The following CNTNAP3 variants were observed in gnomAD, a reference collection of about 807,000 sequenced individuals.
The protein encoded by CNTNAP3 is contactin-associated protein-like 3.
A neutral mutation model predicts 92.1 loss-of-function variants in CNTNAP3; 36 were observed. The observed-to-expected ratio is 0.39, with a 90% CI of 0.30 to 0.52. The LOEUF (loss-of-function observed/expected upper bound fraction) is 0.52. Ranked by LOEUF, CNTNAP3 falls within the 20% of genes least tolerant of loss-of-function variation. The pLI is 0.76. For missense variants in CNTNAP3, 534 were observed against 1,069.6 expected (o/e 0.50, Z 6.98); for synonymous variants, 232 against 422.3 (o/e 0.55, Z 5.53).
At chr9:39,116,137 G>A (rs1194847153) in intron 14 of CNTNAP3, among the ~76,000 whole-genome samples, 1 of 150,516 alleles carries the variant, frequency 6.6e-6, no homozygotes, top group African/African-American at 2.4e-5. Context: ...GGGCGACAGA[G>A]AGAGACTCTG....
chr9:39,088,758 TA>T (rs1826125546), intron 18 of CNTNAP3, 111 bp from the exon 19 acceptor site: 1 of 984,968 alleles, frequency 1.0e-6, no homozygotes, highest in African/African-American at 1.6e-5. Context: ...GGAGATAAAG[TA>T]ATAGTGAAAT....
At chr9:39,079,034 T>C in intron 21 of CNTNAP3, 114 bp from the exon 22 acceptor site, 3 of 1,474,166 alleles carry the variant, frequency 2.0e-6, no homozygotes, top group Non-Finnish European at 2.7e-6. Context: ...GAGAGGTCCC[T>C]CCGAACCCCT....
chr9:39,093,705 C>T lies in CNTNAP3; in HGVS notation c.2996-5058G>A, dbSNP rs545912707. ...TTGTATCATGTATCAGAACCTCATT[C>T]CTTTTAATGGCTGAACAATATACCA... On this transcript the variant is annotated intron_variant, in intron 18 of 23. Transcript: ENST00000297668. 4.3e-3 allele frequency among the ~76,000 whole-genome samples: 651 copies of T among 151,568 alleles called. 7 individuals are homozygous for T. The highest frequency in any genetic ancestry group is 0.015 in the African/African-American group (628 of 41,506).
chr9:39,093,777 C>A (rs116621507), intron 18 of CNTNAP3, among the ~76,000 whole-genome samples: 2,775 of 151,512 alleles, frequency 0.018, 84 homozygotes, highest in African/African-American at 0.063. Context: ...TGTTGATGGA[C>A]ACTTGTATTA....
intron 12 of CNTNAP3, among the ~76,000 whole-genome samples, chr9:39,137,257 G>A (rs1821461754): frequency 6.6e-6 from 1 of 151,614 alleles, no homozygotes; most frequent in East Asian, 1.9e-4. Context: ...TAAGCTTAGG[G>A]ATTCTTTCCA....
chr9:39,119,746 C>G (rs1481573073), intron 13 of CNTNAP3, among the ~76,000 whole-genome samples: 1 of 152,018 alleles, frequency 6.6e-6, no homozygotes, highest in African/African-American at 2.4e-5. Flanking sequence ...GGAAATAATA[C>G]AGAAGACAAC....
chr9:39,087,647 C>T (rs183450335), intron 19 of CNTNAP3, among the ~76,000 whole-genome samples: 35 of 152,150 alleles, frequency 2.3e-4, no homozygotes, highest in Admixed American at 8.5e-4. Context: ...CCACCATGCC[C>T]GGCTCATTTT....
rs1201850635 is a variant in CNTNAP3, at chr9:39,115,438, C to A, written c.2237+2665G>T. ...ATTCCATTTTTATAAACTGAAAAAT[C>A]AATTTTATTTGAAAAATTAAAATAG... On this transcript the variant is annotated intron_variant, in intron 14 of 23. Transcript: ENST00000297668. Among the ~76,000 whole-genome samples, 170 of 147,836 alleles carry A rather than the reference C, an allele frequency of 1.1e-3. 2 individuals carry two copies. The highest frequency in any genetic ancestry group is 3.6e-3 in the African/African-American group (145 of 39,748).
In CNTNAP3 at chr9:39,068,949, C is replaced by G. The variant is rs1289106665; in HGVS notation, c.*4941G>C. 6.6e-6 allele frequency among the ~76,000 whole-genome samples: 1 copy of G among 152,416 alleles called. No individual in the cohort carries two copies. Among genetic ancestry groups the G allele is most frequent in the East Asian group, 1.9e-4 (1 of 5,196 alleles). The stretch of plus-strand genomic sequence containing the variant: ...GCAGGAGGGTTAGAGGGTAAATATG[C>G]TCCCTATTACTCCATCTTAGCCAGA... On this transcript the variant is annotated 3_prime_UTR_variant, in exon 24 of 24. Coordinates refer to ENST00000297668, the MANE Select transcript of CNTNAP3 (RefSeq NM_033655.5).
chr9:39,075,870 A>T (rs1825748536), intron 23 of CNTNAP3, among the ~76,000 whole-genome samples: 1 of 152,278 alleles, frequency 6.6e-6, no homozygotes, highest in African/African-American at 2.4e-5. Flanking sequence ...TCTCTTGTTA[A>T]TCAGAGGTCT....
chr9:39,125,674 A>G (rs1402634109), intron 13 of CNTNAP3, among the ~76,000 whole-genome samples: 3 of 152,210 alleles, frequency 2.0e-5, no homozygotes, highest in Non-Finnish European at 4.4e-5. Context: ...AGAAAGCCAG[A>G]GTATCTAAAT....
At chr9:39,120,981 C>CTTAA in intron 13 of CNTNAP3, among the ~76,000 whole-genome samples, 1 of 152,144 alleles carries the variant, frequency 6.6e-6, no homozygotes, top group South Asian at 2.1e-4. Context: ...ATAAGGATTA[C>CTTAA]ATATTTCATT....
rs1225314868 is a variant in CNTNAP3, at chr9:39,066,373, A to G, written c.*7517T>C. On this transcript the variant is annotated 3_prime_UTR_variant, in exon 24 of 24. Coordinates refer to ENST00000297668, the MANE Select transcript of CNTNAP3 (RefSeq NM_033655.5). The stretch of plus-strand genomic sequence containing the variant: ...ATTTCTAAACAGCCAATTATCTTTA[A>G]AAGATATTTAAGTAATAAGGGCAGG... 1.2e-4 allele frequency among the ~76,000 whole-genome samples: 19 copies of G among 152,296 alleles called. No homozygotes were observed. In the South Asian group the frequency reaches 3.7e-3, roughly 30 times the overall value.
At position 39,108,272 on chromosome 9, in the gene CNTNAP3, T is replaced by TCC. The variant is rs374672158; in HGVS notation, c.2365+886_2365+887dup. ...CTTCATCAAGCAGGAGACAAGCCGG[T>TCC]CCCCCCCCTCTCTGGGGAGTGAGTA... is the stretch of plus-strand genomic sequence containing the variant. On this transcript the variant is annotated intron_variant, in intron 15 of 23. Coordinates refer to ENST00000297668, the MANE Select transcript of CNTNAP3 (RefSeq NM_033655.5). 2.4e-3 allele frequency among the ~76,000 whole-genome samples: 359 copies of TCC among 151,212 alleles called. 2 individuals are homozygous for TCC. Among genetic ancestry groups the TCC allele is most frequent in the African/African-American group, 8.4e-3 (344 of 41,170 alleles).
intron 15 of CNTNAP3, among the ~76,000 whole-genome samples, chr9:39,104,309 G>C (rs1047806652): frequency 6.6e-6 from 1 of 152,076 alleles, no homozygotes; most frequent in Non-Finnish European, 1.5e-5. Flanking sequence ...GGTCTAACTG[G>C]GAGGGGAAAT....
At chr9:39,130,495 CTTTTTTTTTT>C (rs58074019) in intron 13 of CNTNAP3, among the ~76,000 whole-genome samples, 1 of 111,200 alleles carries the variant, frequency 9.0e-6, no homozygotes, top group Non-Finnish European at 1.8e-5. Flanking sequence ...AGGAGGAATT[CTTTTTTTTTT>C]TTTTTTTTTT....
chr9:39,115,694 T>G (rs939703827), intron 14 of CNTNAP3, among the ~76,000 whole-genome samples: 2 of 152,130 alleles, frequency 1.3e-5, no homozygotes, highest in Admixed American at 1.3e-4. Flanking sequence ...CTCCTAAATT[T>G]TTTTCCAAAT....
intron 21 of CNTNAP3, among the ~76,000 whole-genome samples, chr9:39,083,806 A>G (rs1826004067): frequency 6.6e-6 from 1 of 152,004 alleles, no homozygotes; most frequent in Admixed American, 6.5e-5. Context: ...CATTCTTTAA[A>G]GCTACCTCTT....
rs1309253828 is a variant in CNTNAP3, at chr9:39,071,695, A to T, written c.*2195T>A. Among the ~76,000 whole-genome samples the T allele has an allele frequency of 6.6e-6, 1 of 151,208 alleles. No homozygotes were observed. Among genetic ancestry groups the T allele is most frequent in the Non-Finnish European group, 1.5e-5 (1 of 67,782 alleles). On this transcript the variant is annotated 3_prime_UTR_variant, in exon 24 of 24. Transcript: ENST00000297668. ...TAGATTTTAGTAAGTTGACTGTTAG[A>T]TGGTTGCTCTTTGGCAGAAGTTTAA... is the stretch of plus-strand genomic sequence containing the variant.
Sources: gnomAD v4.1 joint callset for allele counts (sites outside exome capture counted in the v4.1 genomes callset) on GRCh38, gnomAD v4.1.1 for gene constraint, MANE v1.5 for transcripts, NCBI Gene and HGNC (gene_info 2026-07-23, HGNC 2026-07-21) for gene names.